The following ZPLD1 variants were observed in gnomAD, a reference collection of about 807,000 sequenced individuals.
The protein encoded by ZPLD1 is zona pellucida-like domain-containing protein 1.
In ZPLD1, 34 loss-of-function variants were observed where a neutral mutation model predicts 47.2. The observed-to-expected ratio is 0.72, with a 90% CI of 0.55 to 0.96. The LOEUF is 0.96. Among genes scored for constraint, ZPLD1 ranks in the 40% least tolerant of loss-of-function variants. The pLI, the probability that ZPLD1 is intolerant of heterozygous loss-of-function variation, is 0.00. For synonymous variants in ZPLD1, 176 were observed against 186.2 expected (o/e 0.95, Z 0.45); for missense variants, 512 against 505.8 (o/e 1.01, Z -0.12).
chr3:102,392,745 A>G (rs575739086), intron 7 of ZPLD1, among the ~76,000 whole-genome samples: 3 of 152,262 alleles, frequency 2.0e-5, no homozygotes, highest in Non-Finnish European at 4.4e-5. Context: ...ATATTGCCAC[A>G]TTGGGGATTA....
At chr3:102,435,940 C>A (rs1452360400) in intron 1 of ZPLD1, among the ~76,000 whole-genome samples, 1 of 152,218 alleles carries the variant, frequency 6.6e-6, no homozygotes, top group Non-Finnish European at 1.5e-5. Context: ...CCACGCCTGG[C>A]CATTATCTTG....
chr3:102,447,037 T>C (rs1576152866), intron 3 of ZPLD1, among the ~76,000 whole-genome samples: 1 of 152,158 alleles, frequency 6.6e-6, no homozygotes, highest in South Asian at 2.1e-4. Flanking sequence ...TTTATGGTAC[T>C]GATTTTTCAT....
At chr3:102,456,543 T>TTC (rs879861477) in intron 5 of ZPLD1, among the ~76,000 whole-genome samples, 169 bp downstream of exon 5, 220 of 125,406 alleles carry the variant, frequency 1.8e-3, no homozygotes, top group African/African-American at 6.2e-3. Flanking sequence ...TGTTTATCTA[T>TTC]TATATCTATC....
intron 7 of ZPLD1, among the ~76,000 whole-genome samples, chr3:102,396,421 A>C (rs1035598209): frequency 1.3e-5 from 2 of 152,140 alleles, no homozygotes; most frequent in African/African-American, 2.4e-5. Flanking sequence ...GTTAATGAAC[A>C]AACACCTTTC....
chr3:102,426,554 T>A (rs1706950923), intron 8 of ZPLD1, among the ~76,000 whole-genome samples: 1 of 152,100 alleles, frequency 6.6e-6, no homozygotes, highest in Non-Finnish European at 1.5e-5. Context: ...TCTTGCTTAA[T>A]TCTTTCCTTT....
At chr3:102,386,739 A>T (rs1336029562) in intron 6 of ZPLD1, among the ~76,000 whole-genome samples, 1 of 152,164 alleles carries the variant, frequency 6.6e-6, no homozygotes, top group Non-Finnish European at 1.5e-5. Context: ...TAGTACATTT[A>T]TTATTACATT....
At chr3:102,474,602 A>T (rs78827579) in intron 10 of ZPLD1, among the ~76,000 whole-genome samples, 5,555 of 151,446 alleles carry the variant, frequency 0.037, 276 homozygotes, top group African/African-American at 0.11. Context: ...AAGTTTTTTA[A>T]AAAAAAAACT....
At chr3:102,433,109 C>T (rs544401847), upstream of ZPLD1, among the ~76,000 whole-genome samples, 6 of 152,320 alleles carry the variant, frequency 3.9e-5, no homozygotes, top group Non-Finnish European at 8.8e-5. Flanking sequence ...TGTACCTCAG[C>T]ATCCCCCCAC....
At chr3:102,461,569 G>C (rs1283981499) in intron 6 of ZPLD1, among the ~76,000 whole-genome samples, 1 of 151,964 alleles carries the variant, frequency 6.6e-6, no homozygotes, top group Non-Finnish European at 1.5e-5. Flanking sequence ...CTTGGAGTCT[G>C]TGTTTGTCTC....
chr3:102,456,936 C>T (rs143402037), intron 5 of ZPLD1, among the ~76,000 whole-genome samples: 21 of 152,272 alleles, frequency 1.4e-4, no homozygotes, highest in African/African-American at 4.1e-4. Context: ...GCTCCAAATA[C>T]GGACTGAGGG....
intron 7 of ZPLD1, among the ~76,000 whole-genome samples, chr3:102,403,387 C>T (rs1254413487): frequency 6.6e-6 from 1 of 151,896 alleles, no homozygotes; most frequent in African/African-American, 2.4e-5. Flanking sequence ...ATTATAGACT[C>T]TCTGACATAT....
chr3:102,428,037 TAG>T (rs1323623594), intron 8 of ZPLD1, among the ~76,000 whole-genome samples: 3 of 152,192 alleles, frequency 2.0e-5, no homozygotes, highest in Non-Finnish European at 4.4e-5. Flanking sequence ...TCTATGCAAT[TAG>T]TAAAGTCACA....
intron 8 of ZPLD1, among the ~76,000 whole-genome samples, chr3:102,420,196 A>T (rs1157741463): frequency 6.6e-6 from 1 of 151,968 alleles, no homozygotes; most frequent in Non-Finnish European, 1.5e-5. Flanking sequence ...GCAGCTGATC[A>T]ATTCCACCAG....
Position 102,438,600 on chromosome 3 carries a change from G to A in ZPLD1, c.106+7G>A. The A allele has an allele frequency of 1.3e-6, 2 of 1,598,286 alleles. No homozygotes were observed. The highest frequency in any genetic ancestry group is 1.7e-4 in the Middle Eastern group (1 of 6,028). On this transcript the variant is annotated splice_region_variant and intron_variant, in intron 3 of 11. Coordinates refer to ENST00000466937, the MANE Select transcript of ZPLD1 (RefSeq NM_001329788.2). ...CTCCACAGTAGATTTCCTGGTAAGT[G>A]TAAGCCTAATCTATTCTCTAGTTGT...
rs1707640155 is a variant in ZPLD1, at chr3:102,468,980, C to T, written c.778C>T (p.Gln260Ter). 1 of 1,613,260 alleles carries T rather than the reference C, an allele frequency of 6.2e-7. No homozygotes were observed. The highest frequency in any genetic ancestry group is 8.5e-7 in the Non-Finnish European group (1 of 1,179,678). The change falls in exon 9 of 12, where the codon CAG (glutamine) becomes TAG (stop). Residue 260 changes from glutamine to a stop codon, truncating the protein, a stop_gained. Coordinates refer to ENST00000466937, the MANE Select transcript of ZPLD1 (RefSeq NM_001329788.2). LOFTEE classifies it high-confidence loss of function. ...AAAATTTAGCTGTGACAAGGACCCT[C>T]AGACCACCGTCATTGAGAATGGCCG... ...DLFLSCDKDP[Q>*]TTVIENGRSQ...
intron 7 of ZPLD1, among the ~76,000 whole-genome samples, chr3:102,401,124 C>G (rs993328554): frequency 2.0e-5 from 3 of 151,976 alleles, no homozygotes; most frequent in Admixed American, 6.6e-5. Context: ...GCATCAAAAA[C>G]TTGCCAGTGA....
intron 7 of ZPLD1, among the ~76,000 whole-genome samples, chr3:102,394,709 G>A (rs1484876240): frequency 6.6e-6 from 1 of 152,062 alleles, no homozygotes; most frequent in East Asian, 1.9e-4. Flanking sequence ...ACATCACCTG[G>A]TGCTGTGGTT....
In ZPLD1 at chr3:102,477,648, G is replaced by T. The variant is rs1030220415; in HGVS notation, c.*30G>T. The T allele has an allele frequency of 6.4e-7, 1 of 1,573,950 alleles. No individual in the cohort carries two copies. Among genetic ancestry groups the T allele is most frequent in the East Asian group, 2.3e-5 (1 of 44,136 alleles). The stretch of plus-strand genomic sequence containing the variant: ...AACAGATTCCTGCTCTCTGGAGAAG[G>T]CTTCACTGACTAAACTATGTGTGAC... On this transcript the variant is annotated 3_prime_UTR_variant, in exon 12 of 12. Transcript: ENST00000466937.
intron 8 of ZPLD1, among the ~76,000 whole-genome samples, chr3:102,465,920 G>A (rs1707584531): frequency 6.6e-6 from 1 of 152,080 alleles, no homozygotes; most frequent in Admixed American, 6.6e-5. Flanking sequence ...GGGTCTTAAG[G>A]GAGTCAGCTC....
Sources: gnomAD v4.1 joint callset for allele counts (sites outside exome capture counted in the v4.1 genomes callset) on GRCh38, gnomAD v4.1.1 for gene constraint, MANE v1.5 for transcripts, NCBI Gene and HGNC (gene_info 2026-07-23, HGNC 2026-07-21) for gene names.